The following RCAN1 variants were observed in gnomAD, a reference collection of about 807,000 sequenced individuals.
RCAN1 encodes the protein regulator of calcineurin 1.
RCAN1 carries 11 observed loss-of-function variants against 22.9 expected under a neutral mutation model. The observed-to-expected ratio is 0.48, with a 90% CI of 0.30 to 0.79. The LOEUF is 0.79. Ranked by LOEUF, RCAN1 falls within the 30% of genes least tolerant of loss-of-function variation. The pLI is 0.06. For missense variants in RCAN1, 291 were observed against 337.8 expected (o/e 0.86, Z 1.09); for synonymous variants, 136 against 142.3 (o/e 0.96, Z 0.32).
intron 1 of RCAN1, among the ~76,000 whole-genome samples, chr21:34,567,552 C>G (rs1215185812): frequency 7.4e-6 from 1 of 135,546 alleles, no homozygotes; most frequent in Non-Finnish European, 1.5e-5. Context: ...GAGACTCCAT[C>G]TCAAAAAAAA....
intron 3 of RCAN1, among the ~76,000 whole-genome samples, chr21:34,520,754 G>GT (rs1984451379): frequency 6.6e-6 from 1 of 152,134 alleles, no homozygotes; most frequent in Admixed American, 6.6e-5. Context: ...ACATTTTATG[G>GT]TTTTCAAAAA....
rs4817684 is a variant in RCAN1 at position 34,602,253 on chromosome 21, T to A, written c.252+12507A>T. Among the ~76,000 whole-genome samples the A allele has an allele frequency of 1.5e-3, 235 of 152,072 alleles. 3 individuals carry two copies. Among genetic ancestry groups the A allele is most frequent in the Admixed American group, 0.013 (195 of 15,268 alleles). Reference sequence around the variant, plus strand: ...ACAGCCCCGAAGGCAGCCAGCTGGGTCCACTTCATTCCAAGCCACAAATGC... The same window carrying A: ...ACAGCCCCGAAGGCAGCCAGCTGGGACCACTTCATTCCAAGCCACAAATGC... On this transcript the variant is annotated intron_variant, in intron 1 of 3. Coordinates refer to ENST00000313806, the MANE Select transcript of RCAN1 (RefSeq NM_004414.7).
In RCAN1 at chr21:34,516,870, T is replaced by C. The variant is rs1984078047; in HGVS notation, c.*1214A>G. The C allele has an allele frequency of 6.6e-6, 1 of 152,634 alleles. No individual in the cohort carries two copies. The highest frequency in any genetic ancestry group is 2.1e-4 in the South Asian group (1 of 4,830). The allele number at this position is 152,634 out of a possible 1,614,324, so 9.5% of individuals were successfully genotyped here. ...ATTACAACTAGAAAAAAATTACAAA[T>C]GTTAACCTAGTATAACAATTCCATC... On this transcript the variant is annotated 3_prime_UTR_variant, in exon 4 of 4. Transcript: ENST00000313806.
chr21:34,564,282 G>A (rs1280926066), intron 1 of RCAN1, among the ~76,000 whole-genome samples: 1 of 152,074 alleles, frequency 6.6e-6, no homozygotes, highest in Non-Finnish European at 1.5e-5. Flanking sequence ...ATGAGATTTC[G>A]GGTGGGGACA....
rs1206145403 is a variant in RCAN1 at position 34,518,501 on chromosome 21, T to C, written c.587-245A>G. Among the ~76,000 whole-genome samples the C allele has an allele frequency of 1.3e-5, 2 of 152,248 alleles. No homozygotes were observed. The highest frequency in any genetic ancestry group is 6.5e-5 in the Admixed American group (1 of 15,292). On this transcript the variant is annotated intron_variant, in intron 3 of 3. Coordinates refer to ENST00000313806, the MANE Select transcript of RCAN1 (RefSeq NM_004414.7). The surrounding 1 kb of genome is among the most constrained non-coding windows in gnomAD (Gnocchi z 4.2). ...TCTGGGAGTCCAGGCACATGAGAAG[T>C]ATAGAAGGAATGCATTTTTCTAGTT...
At chr21:34,532,963 C>CTT (rs35547356) in intron 1 of RCAN1, among the ~76,000 whole-genome samples, 121 of 141,650 alleles carry the variant, frequency 8.5e-4, no homozygotes, top group African/African-American at 1.6e-3. Flanking sequence ...ACAAAATAAA[C>CTT]TTTTTTTTTT....
chr21:34,566,505 G>C (rs1238730148), intron 1 of RCAN1, among the ~76,000 whole-genome samples: 1 of 152,170 alleles, frequency 6.6e-6, no homozygotes, highest in Non-Finnish European at 1.5e-5. Flanking sequence ...CACTGGAATG[G>C]ACAAAGAATG....
intron 1 of RCAN1, among the ~76,000 whole-genome samples, chr21:34,576,328 C>T (rs577888126): frequency 5.3e-5 from 8 of 152,260 alleles, no homozygotes; most frequent in Admixed American, 5.2e-4. Context: ...GTCCTCTACC[C>T]GAGCTGTTCT....
chr21:34,530,625 T>TCGTTG (rs1555856747), intron 1 of RCAN1, among the ~76,000 whole-genome samples: 1 of 72,010 alleles, frequency 1.4e-5, no homozygotes, highest in Non-Finnish European at 2.9e-5. Context: ...AGTTTTTTTT[T>TCGTTG]TTTTTTTTTT....
At chr21:34,531,041 G>T (rs1266824072) in intron 1 of RCAN1, among the ~76,000 whole-genome samples, 1 of 152,166 alleles carries the variant, frequency 6.6e-6, no homozygotes, top group African/African-American at 2.4e-5. Context: ...CCACTTTGTG[G>T]TCTAAAAGGC....
intron 1 of RCAN1, among the ~76,000 whole-genome samples, chr21:34,539,121 C>T (rs1419282951): frequency 1.3e-5 from 2 of 152,192 alleles, no homozygotes; most frequent in Non-Finnish European, 2.9e-5. Context: ...TAAACCGCAT[C>T]AACTCAAATC....
At chr21:34,561,952 C>T (rs970111005) in intron 1 of RCAN1, among the ~76,000 whole-genome samples, 11 of 152,274 alleles carry the variant, frequency 7.2e-5, no homozygotes, top group African/African-American at 2.2e-4. Flanking sequence ...CCTTCTCATT[C>T]GGAGACTACC....
chr21:34,546,969 A>T (rs1014986513), intron 1 of RCAN1, among the ~76,000 whole-genome samples: 2 of 152,206 alleles, frequency 1.3e-5, no homozygotes, highest in Middle Eastern at 3.2e-3. Context: ...CAGAGACCAG[A>T]TAATACCTAC....
intron 1 of RCAN1, chr21:34,524,756 G>C (rs2123584737): frequency 3.9e-6 from 1 of 254,464 alleles, no homozygotes; most frequent in East Asian, 8.5e-5. Context: ...GATGTCCTGA[G>C]CTCTTAGAAT....
chr21:34,607,618 T>C (rs1287305479), intron 1 of RCAN1, among the ~76,000 whole-genome samples: 1 of 152,240 alleles, frequency 6.6e-6, no homozygotes, highest in Admixed American at 6.5e-5. Flanking sequence ...CTGGAACTCC[T>C]GGCCTCCCAA....
rs928760 is a variant in RCAN1, at chr21:34,518,660, C to T, written c.587-404G>A. Among the ~76,000 whole-genome samples, 42,464 of 152,174 alleles carry T rather than the reference C, an allele frequency of 0.28. 6,462 individuals carry two copies. The highest frequency in any genetic ancestry group is 0.51 in the East Asian group (2,638 of 5,164). On this transcript the variant is annotated intron_variant, in intron 3 of 3. Transcript: ENST00000313806. This position sits in a 1 kb window ranked among gnomAD's most constrained non-coding sequence, Gnocchi z 4.2. ...AAGAAACGTATTTGGAAACAGAACCCTGGGCCTCCCTCATGCAGCTCCTAT... is the reference window on the plus strand; with the variant it reads ...AAGAAACGTATTTGGAAACAGAACCTTGGGCCTCCCTCATGCAGCTCCTAT...
chr21:34,550,123 C>G (rs1282481816), intron 1 of RCAN1, among the ~76,000 whole-genome samples: 1 of 152,178 alleles, frequency 6.6e-6, no homozygotes, highest in African/African-American at 2.4e-5. Context: ...AGCAAAACCA[C>G]CTGATACCCT....
chr21:34,573,905 G>A (rs886683716), intron 1 of RCAN1, among the ~76,000 whole-genome samples: 5 of 152,110 alleles, frequency 3.3e-5, no homozygotes, highest in Admixed American at 6.5e-5. Flanking sequence ...AAAATTATAC[G>A]TGTCATGAAA....
intron 1 of RCAN1, among the ~76,000 whole-genome samples, chr21:34,556,560 T>C (rs1405071586): frequency 1.3e-5 from 2 of 152,082 alleles, no homozygotes; most frequent in African/African-American, 4.8e-5. Context: ...GTTGAAAATA[T>C]GTAATTTAAT....
Sources: allele counts gnomAD v4.1 joint callset (sites outside exome capture counted in the v4.1 genomes callset), GRCh38; gene constraint gnomAD v4.1.1; non-coding constraint Gnocchi (gnomAD v3.1); transcripts MANE v1.5; gene names NCBI Gene and HGNC (gene_info 2026-07-23, HGNC 2026-07-21).